ZNF490: variants seen among roughly 807,000 people sequenced by gnomAD.
The protein encoded by ZNF490 is zinc finger protein 490.
Under a neutral mutation model 17.7 loss-of-function variants are expected in ZNF490, and 11 were observed. That is an observed-to-expected ratio of 0.62 (90% confidence interval 0.39 to 1.03). The LOEUF is 1.03. ZNF490 is among the 50% of genes least tolerant of loss of function. ZNF490 has a pLI of 0.00. For missense variants in ZNF490, 542 were observed against 643.4 expected, an observed-to-expected ratio of 0.84 and a Z score of 1.71; for synonymous variants, 222 against 216.1, an observed-to-expected ratio of 1.03 and a Z score of -0.24.
rs1020156954 is a variant in ZNF490 at position 12,579,716 on chromosome 19, CAGA to C, written c.*766_*768del. 2 of 152,138 alleles carry C rather than the reference CAGA, an allele frequency of 1.3e-5. No homozygotes were observed. The highest frequency in any genetic ancestry group is 6.6e-5 in the Admixed American group (1 of 15,246). The allele number at this position is 152,138 out of a possible 1,614,324, so 9.4% of individuals were successfully genotyped here. A position where few individuals can be genotyped will look rare whatever the true frequency, so the allele number is the denominator to read the frequency against. On this transcript the variant is annotated 3_prime_UTR_variant, in exon 5 of 5. Coordinates refer to ENST00000311437, the MANE Select transcript of ZNF490 (RefSeq NM_020714.3). ...ATCCCAGCTACTTGGAAGGCTGAGG[CAGA>C]AGAATTGCTTGAACCCAGAGGTTAC...
rs890482490 is a variant in ZNF490, at chr19:12,577,384, G to T, written c.*3101C>A. On this transcript the variant is annotated 3_prime_UTR_variant, in exon 5 of 5. Coordinates refer to ENST00000311437, the MANE Select transcript of ZNF490 (RefSeq NM_020714.3). ...CCCATTCTGACAGTGAAGGAATCTC[G>T]AACTTCCTGACCTCCCACAGTACAA... 10 of 970,694 alleles carry T rather than the reference G, an allele frequency of 1.0e-5. No homozygotes were observed. Among genetic ancestry groups the T allele is most frequent in the Non-Finnish European group, 1.2e-5 (10 of 816,582 alleles). The allele number at this position is 970,694 out of a possible 1,614,324, so 60.1% of individuals were successfully genotyped here. A position where few individuals can be genotyped will look rare whatever the true frequency, so the allele number is the denominator to read the frequency against.
chr19:12,588,216 G>A (rs1164161669), intron 2 of ZNF490, among the ~76,000 whole-genome samples: 3 of 151,584 alleles, frequency 2.0e-5, no homozygotes, highest in Non-Finnish European at 4.4e-5. Flanking sequence ...TTAGGCTGGT[G>A]GCAAACTCCC....
At position 12,583,414 on chromosome 19, in the gene ZNF490, A is replaced by G. The variant is rs1344141115; in HGVS notation, c.289+16T>C. ...GTTCCCTCCTTAATTAAGTAGAGAA[A>G]TTATGTCACCCTTACCTATACAGGC... is the stretch of plus-strand genomic sequence containing the variant. On this transcript the variant is annotated intron_variant, in intron 3 of 4. Transcript: ENST00000311437. The G allele has an allele frequency of 1.3e-6, 2 of 1,574,032 alleles. No homozygotes were observed. Among genetic ancestry groups the G allele is most frequent in the Admixed American group, 3.7e-5 (2 of 54,784 alleles).
intron 2 of ZNF490, among the ~76,000 whole-genome samples, chr19:12,599,096 C>T (rs2022970449): frequency 7.5e-6 from 1 of 133,372 alleles, no homozygotes; most frequent in Non-Finnish European, 1.5e-5. Flanking sequence ...CCCAAGATCA[C>T]GCCACTGCAC....
At position 12,578,919 on chromosome 19, in the gene ZNF490, T is replaced by A; in HGVS notation, c.*1566A>T. The A allele has an allele frequency of 1.0e-6, 1 of 985,446 alleles. No homozygotes were observed. The allele number at this position is 985,446 out of a possible 1,614,324, so 61.0% of individuals were successfully genotyped here. On this transcript the variant is annotated 3_prime_UTR_variant, in exon 5 of 5. Coordinates refer to ENST00000311437, the MANE Select transcript of ZNF490 (RefSeq NM_020714.3). ...AAGATGTTCCCATATTGCTTACATT[T>A]AAGAAGGTGGCTCTCCAGTGTGGGT...
At position 12,585,378 on chromosome 19, in the gene ZNF490, T is replaced by C. The variant is rs1173588123; in HGVS notation, c.163-1822A>G. On this transcript the variant is annotated intron_variant, in intron 2 of 4. Coordinates refer to ENST00000311437, the MANE Select transcript of ZNF490 (RefSeq NM_020714.3). Reference sequence around the variant, plus strand: ...CCAGCCCTTTTTCTCTCCCCCGACTTTGGGGGCTAGGGCTAGAGGAAGATC... The same window carrying C: ...CCAGCCCTTTTTCTCTCCCCCGACTCTGGGGGCTAGGGCTAGAGGAAGATC... 3.2e-5 allele frequency among the ~76,000 whole-genome samples: 3 copies of C among 92,310 alleles called. 1 individual carries two copies. Among genetic ancestry groups the C allele is most frequent in the African/African-American group, 9.8e-5 (3 of 30,764 alleles). 60.6% of individuals were successfully genotyped at this position (92,310 alleles called of 152,430 possible). A position where few individuals can be genotyped will look rare whatever the true frequency, so the allele number is the denominator to read the frequency against.
chr19:12,580,928 T>A lies in ZNF490; in HGVS notation c.1147A>T (p.Thr383Ser). 1 of 1,614,194 alleles carries A rather than the reference T, an allele frequency of 6.2e-7. No homozygotes were observed. Among genetic ancestry groups the A allele is most frequent in the African/African-American group, 1.3e-5 (1 of 75,044 alleles). ...SSSSCEVHER[T>S]HFGEKPYECK... ...TCATAGGGTTTTTCTCCAAAATGAG[T>A]TCTTTCGTGCACTTCACAGGAACTA... Residue 383 changes from threonine to serine, a missense_variant, in exon 5 of 5, where the codon ACT (threonine) becomes TCT (serine). Physicochemically the swap from Thr to Ser is moderately conservative, Grantham distance 58. Transcript: ENST00000311437.
rs192470474 is a variant in ZNF490 at position 12,597,081 on chromosome 19, G to A, written c.162+12077C>T. ...GGTCAGCTGCGCCAGGGGGACTCGG[G>A]TCTTCCCATAGCCGGTTCCGACAAG... On this transcript the variant is annotated intron_variant, in intron 2 of 4. Coordinates refer to ENST00000311437, the MANE Select transcript of ZNF490 (RefSeq NM_020714.3). The A allele has an allele frequency of 7.0e-5, 32 of 457,780 alleles. 2 individuals are homozygous for A. The highest frequency in any genetic ancestry group is 4.8e-4 in the African/African-American group (24 of 50,160). The allele number at this position is 457,780 out of a possible 1,614,324, so 28.4% of individuals were successfully genotyped here.
chr19:12,595,857 G>A (rs2022926556), intron 2 of ZNF490, among the ~76,000 whole-genome samples: 1 of 151,800 alleles, frequency 6.6e-6, no homozygotes, highest in Non-Finnish European at 1.5e-5. Context: ...GGCTGAGGCA[G>A]GGAGAATTGC....
In ZNF490 at chr19:12,578,527, G is replaced by A; in HGVS notation, c.*1958C>T. On this transcript the variant is annotated 3_prime_UTR_variant, in exon 5 of 5. Coordinates refer to ENST00000311437, the MANE Select transcript of ZNF490 (RefSeq NM_020714.3). Reference sequence around the variant, plus strand: ...TGTCCAAAGTGTAGGTTTGAGATGGGAAATGGAGCTGGAGATGACCTCAAA... The same window carrying A: ...TGTCCAAAGTGTAGGTTTGAGATGGAAAATGGAGCTGGAGATGACCTCAAA... The A allele has an allele frequency of 1.0e-6, 1 of 985,466 alleles. No homozygotes were observed. Among genetic ancestry groups the A allele is most frequent in the Non-Finnish European group, 1.2e-6 (1 of 829,962 alleles). 61.0% of individuals were successfully genotyped at this position (985,466 alleles called of 1,614,324 possible). A position where few individuals can be genotyped will look rare whatever the true frequency, so the allele number is the denominator to read the frequency against.
intron 2 of ZNF490, among the ~76,000 whole-genome samples, chr19:12,583,935 C>T (rs911986969): frequency 5.3e-5 from 8 of 150,956 alleles, no homozygotes; most frequent in Admixed American, 1.3e-4. Flanking sequence ...CTCAGCCTCC[C>T]GAGTAGCTGG....
intron 2 of ZNF490, among the ~76,000 whole-genome samples, chr19:12,604,630 C>T (rs2023045496): frequency 6.6e-6 from 1 of 150,768 alleles, no homozygotes; most frequent in Non-Finnish European, 1.5e-5. Context: ...CCACTGCACT[C>T]CAGCCTGGGC....
chr19:12,597,907 CAAAATTA>C (rs750363378), intron 2 of ZNF490, among the ~76,000 whole-genome samples: 10 of 152,068 alleles, frequency 6.6e-5, no homozygotes, highest in Non-Finnish European at 1.3e-4. Flanking sequence ...CCCGCCTCTA[CAAAATTA>C]AAAATTAAAA....
At position 12,576,258 on chromosome 19, in the gene ZNF490, A is replaced by C. The variant is rs1033589870; in HGVS notation, c.*4227T>G. 2.0e-5 allele frequency among the ~76,000 whole-genome samples: 3 copies of C among 152,206 alleles called. No individual in the cohort carries two copies. The highest frequency in any genetic ancestry group is 2.9e-5 in the Non-Finnish European group (2 of 68,022). ...CCTGGTGGCTCAAGCCTCTAATCCC[A>C]GCACTTTGAGAGGCCGAGGCAGGCA... On this transcript the variant is annotated 3_prime_UTR_variant, in exon 5 of 5. Coordinates refer to ENST00000311437, the MANE Select transcript of ZNF490 (RefSeq NM_020714.3).
intron 2 of ZNF490, among the ~76,000 whole-genome samples, chr19:12,598,091 GCAC>G (rs2022956904): frequency 6.6e-6 from 1 of 151,946 alleles, no homozygotes; most frequent in Non-Finnish European, 1.5e-5. Context: ...GGGCGTGGTG[GCAC>G]GCGCCTGTAA....
intron 2 of ZNF490, among the ~76,000 whole-genome samples, chr19:12,589,910 G>GTATT (rs780976188): frequency 3.6e-3 from 181 of 50,828 alleles, no homozygotes; most frequent in Middle Eastern, 0.016. Context: ...ATGTATGTAT[G>GTATT]TATTTATTTA....
At chr19:12,587,048 G>A (rs1271222828) in intron 2 of ZNF490, among the ~76,000 whole-genome samples, 3 of 67,354 alleles carry the variant, frequency 4.5e-5, no homozygotes, top group Admixed American at 3.0e-4. Flanking sequence ...TGGGCAACAG[G>A]AATAAAACTC....
intron 2 of ZNF490, among the ~76,000 whole-genome samples, chr19:12,591,276 C>G (rs113292174): frequency 0.034 from 5,237 of 152,014 alleles, 315 homozygotes; most frequent in African/African-American, 0.12. Flanking sequence ...GTAGTCCCAG[C>G]TACTTGGCAG....
chr19:12,585,555 C>G (rs1363838459), intron 2 of ZNF490, among the ~76,000 whole-genome samples: 1 of 93,690 alleles, frequency 1.1e-5, no homozygotes, highest in African/African-American at 3.2e-5. Context: ...AGGAACCACA[C>G]ACAAAGACCA....
Sources: allele counts gnomAD v4.1 joint callset (sites outside exome capture counted in the v4.1 genomes callset), GRCh38; gene constraint gnomAD v4.1.1; transcripts MANE v1.5; gene names NCBI Gene and HGNC (gene_info 2026-07-23, HGNC 2026-07-21).